The following USP32 variants were observed in gnomAD, a reference collection of about 807,000 sequenced individuals.
USP32 encodes the protein ubiquitin specific peptidase 32, also known as ubiquitin carboxyl-terminal hydrolase 32.
Under a neutral mutation model 204.8 loss-of-function variants are expected in USP32, and 59 were observed. That is an observed-to-expected ratio of 0.29 (90% CI 0.23 to 0.36). The LOEUF is 0.36. Ranked by LOEUF, USP32 falls within the 10% of genes least tolerant of loss-of-function variation. The probability of loss-of-function intolerance (pLI) is 1.00; values close to 1 mark genes in which losing one functional copy is unlikely to be tolerated. For missense variants in USP32, 1,160 were observed against 1,946.4 expected (o/e 0.60, Z 7.60); for synonymous variants, 517 against 678.4 (o/e 0.76, Z 3.70).
In USP32 at chr17:60,236,211, C is replaced by G. The variant is rs368177387; in HGVS notation, c.1166G>C (p.Gly389Ala). The change falls in exon 12 of 34, where the codon GGT (glycine) becomes GCT (alanine). Residue 389 changes from glycine (G) to alanine (A), a missense_variant. Gly to Ala is a moderately conservative substitution (Grantham distance 60). This residue lies in a region of USP32 where 536 missense variants were observed against 680.9 expected (regional missense o/e 0.79). Transcript: ENST00000300896. ...RGWLERESRY[G>A]LQAGHNWFII... ...AAACCAGTTGTGTCCTGCTTGCAGA[C>G]CATACCTGCTCTCTCGTTCTAACCA... is the stretch of plus-strand genomic sequence containing the variant. 3.3e-5 allele frequency: 53 copies of G among 1,613,948 alleles called. No individual in the cohort carries two copies. In the Admixed American group the frequency reaches 4.2e-4, roughly 13 times the overall value.
chr17:60,365,720 A>T (rs74669168), intron 1 of USP32, among the ~76,000 whole-genome samples: 9,141 of 152,216 alleles, frequency 0.06, 355 homozygotes, highest in East Asian at 0.11. Flanking sequence ...AGTAATTATT[A>T]AAAGAATGCA....
At chr17:60,244,137 G>C (rs1329656233) in intron 11 of USP32, among the ~76,000 whole-genome samples, 1 of 141,904 alleles carries the variant, frequency 7.0e-6, no homozygotes, top group Non-Finnish European at 1.5e-5. Flanking sequence ...CCGGGTTCAC[G>C]CCATTCTCCT....
At chr17:60,327,444 G>A (rs962238314) in intron 2 of USP32, among the ~76,000 whole-genome samples, 11 of 152,164 alleles carry the variant, frequency 7.2e-5, no homozygotes, top group African/African-American at 2.4e-4. Context: ...GGCCTGGGGC[G>A]GTGCCCCACT....
chr17:60,232,229 G>GTGGCA (rs1042622444), intron 12 of USP32, among the ~76,000 whole-genome samples: 2 of 139,246 alleles, frequency 1.4e-5, no homozygotes, highest in African/African-American at 5.5e-5. Flanking sequence ...ATGGTGTGCA[G>GTGGCA]TGGCATGATC....
intron 1 of USP32, among the ~76,000 whole-genome samples, chr17:60,380,966 T>C (rs2089637075): frequency 6.6e-6 from 1 of 152,224 alleles, no homozygotes. Context: ...GCATTATTTA[T>C]AACCCAAATT....
At chr17:60,390,964 C>T (rs957813117) in intron 1 of USP32, among the ~76,000 whole-genome samples, 1 of 152,222 alleles carries the variant, frequency 6.6e-6, no homozygotes, top group African/African-American at 2.4e-5. Context: ...CAACAAGACA[C>T]TTCCAGTTAG....
intron 9 of USP32, among the ~76,000 whole-genome samples, chr17:60,255,507 C>T (rs960853950): frequency 6.6e-6 from 1 of 152,096 alleles, no homozygotes; most frequent in African/African-American, 2.4e-5. Context: ...ACTATGTTGG[C>T]CAGGCTGGTC....
intron 4 of USP32, among the ~76,000 whole-genome samples, chr17:60,292,989 CT>C (rs1213435083): frequency 2.0e-5 from 3 of 152,260 alleles, no homozygotes; most frequent in Admixed American, 2.0e-4. Context: ...ACCTCAAGGC[CT>C]TTGCTATATT....
chr17:60,347,511 G>A (rs1404257407), intron 1 of USP32, among the ~76,000 whole-genome samples: 5 of 151,714 alleles, frequency 3.3e-5, no homozygotes, highest in Non-Finnish European at 7.4e-5. Context: ...CCGCCACCAC[G>A]CCCAGCTAAT....
At chr17:60,306,569 CAG>C (rs575954236) in intron 2 of USP32, among the ~76,000 whole-genome samples, 3 of 151,776 alleles carry the variant, frequency 2.0e-5, no homozygotes, top group South Asian at 4.2e-4. Flanking sequence ...ACCCGGAAGG[CAG>C]AGGTTACAAT....
chr17:60,416,680 TC>T (rs888958888), intron 1 of USP32, among the ~76,000 whole-genome samples: 25 of 152,252 alleles, frequency 1.6e-4, no homozygotes, highest in African/African-American at 5.8e-4. Flanking sequence ...TTCAGGCTAC[TC>T]CCCATGGTTG....
intron 1 of USP32, among the ~76,000 whole-genome samples, chr17:60,348,641 G>A (rs2088848003): frequency 1.3e-5 from 2 of 152,072 alleles, no homozygotes; most frequent in Admixed American, 1.3e-4. Context: ...ACACTTGGTG[G>A]CACGTGCCTA....
chr17:60,331,927 A>T (rs2088395132), intron 2 of USP32, among the ~76,000 whole-genome samples: 1 of 147,708 alleles, frequency 6.8e-6, no homozygotes, highest in Admixed American at 6.8e-5. Context: ...CTTTAATATT[A>T]AAAAATCTGC....
Position 60,252,460 on chromosome 17 carries a change from A to G in USP32, c.1075-18T>C, listed in dbSNP as rs367661201. 371 of 1,596,632 alleles carry G rather than the reference A, an allele frequency of 2.3e-4. No homozygotes were observed. The highest frequency in any genetic ancestry group is 3.0e-4 in the Non-Finnish European group (356 of 1,169,978). Reference sequence around the variant, plus strand: ...TGACACACCTAGGGAAAAAAATGGTAAATCAAAGTTTATTAACTGCATAAT... The same window carrying G: ...TGACACACCTAGGGAAAAAAATGGTGAATCAAAGTTTATTAACTGCATAAT... On this transcript the variant is annotated intron_variant, in intron 10 of 33. Transcript: ENST00000300896.
At chr17:60,302,613 T>C (rs1325676062) in intron 2 of USP32, among the ~76,000 whole-genome samples, 1 of 152,228 alleles carries the variant, frequency 6.6e-6, no homozygotes, top group Non-Finnish European at 1.5e-5. Context: ...AACTGAATTA[T>C]TTATTCTTTC....
chr17:60,338,659 G>A (rs1262087013), intron 2 of USP32, among the ~76,000 whole-genome samples: 2 of 152,060 alleles, frequency 1.3e-5, no homozygotes, highest in Non-Finnish European at 2.9e-5. Flanking sequence ...GACTTCAGGA[G>A]GTCGAGGATG....
At chr17:60,347,883 G>A (rs1368355908) in intron 1 of USP32, among the ~76,000 whole-genome samples, 1 of 151,936 alleles carries the variant, frequency 6.6e-6, no homozygotes, top group Non-Finnish European at 1.5e-5. Context: ...AGCACTTTGG[G>A]AGGCTGAGGC....
chr17:60,280,937 C>T (rs892895165), intron 5 of USP32, among the ~76,000 whole-genome samples: 1 of 152,216 alleles, frequency 6.6e-6, no homozygotes, highest in African/African-American at 2.4e-5. Flanking sequence ...TGTGATAATG[C>T]TTTTCATAGT....
chr17:60,316,422 T>C (rs1246380929), intron 2 of USP32, among the ~76,000 whole-genome samples: 2 of 152,186 alleles, frequency 1.3e-5, no homozygotes, highest in Non-Finnish European at 2.9e-5. Context: ...GAATTTTTAA[T>C]ATAAATATGG....
Sources: gnomAD v4.1 joint callset for allele counts (sites outside exome capture counted in the v4.1 genomes callset) on GRCh38, gnomAD v4.1.1 for gene constraint, gnomAD v4.1.1 regional missense constraint, MANE v1.5 for transcripts, NCBI Gene and HGNC (gene_info 2026-07-23, HGNC 2026-07-21) for gene names.